The following ACSBG1 variants were observed in gnomAD, a reference collection of about 807,000 sequenced individuals.
ACSBG1 encodes acyl-CoA synthetase bubblegum family member 1.
In ACSBG1, 39 loss-of-function variants were observed where a neutral mutation model predicts 80.2. That is an observed-to-expected ratio of 0.49 (90% CI 0.38 to 0.64). The LOEUF (loss-of-function observed/expected upper bound fraction) is 0.64, where lower values mean the gene tolerates loss of function less well. Among genes scored for constraint, ACSBG1 ranks in the 30% least tolerant of loss-of-function variants. The pLI, the probability that ACSBG1 is intolerant of heterozygous loss-of-function variation, is 0.00. For synonymous variants in ACSBG1, 392 were observed against 379.5 expected, an observed-to-expected ratio of 1.03 and a Z score of -0.38; for missense variants, 828 against 966.4, an observed-to-expected ratio of 0.86 and a Z score of 1.90.
intron 1 of ACSBG1, among the ~76,000 whole-genome samples, chr15:78,222,614 T>C (rs1250948689): frequency 3.3e-5 from 5 of 152,176 alleles, no homozygotes; most frequent in African/African-American, 1.2e-4. Context: ...TTATGCAACT[T>C]CACTCCAGCC....
At chr15:78,205,353 G>A (rs1735694048) in intron 2 of ACSBG1, among the ~76,000 whole-genome samples, 1 of 152,088 alleles carries the variant, frequency 6.6e-6, no homozygotes, top group African/African-American at 2.4e-5. Context: ...GAGCCTCCGA[G>A]GGCTCCAGAG....
chr15:78,169,012 T>G lies in ACSBG1; in HGVS notation c.*2432A>C. The G allele has an allele frequency of 2.5e-6, 4 of 1,569,070 alleles. No individual in the cohort carries two copies. Among genetic ancestry groups the G allele is most frequent in the Non-Finnish European group, 3.5e-6 (4 of 1,141,534 alleles). The stretch of plus-strand genomic sequence containing the variant: ...AGTAAAAGATTTAGATTAACACTTC[T>G]ACAACTGGCATTTACATCAGTCACT... On this transcript the variant is annotated 3_prime_UTR_variant, in exon 14 of 14. Transcript: ENST00000258873.
intron 5 of ACSBG1, among the ~76,000 whole-genome samples, chr15:78,189,553 C>T (rs1395823584): frequency 6.6e-6 from 1 of 152,024 alleles, no homozygotes; most frequent in African/African-American, 2.4e-5. Context: ...TCATCATTCT[C>T]AGTAAACTAT....
intron 1 of ACSBG1, among the ~76,000 whole-genome samples, chr15:78,211,385 CAAT>C (rs1236063147): frequency 2.6e-5 from 4 of 152,204 alleles, no homozygotes; most frequent in African/African-American, 9.6e-5. Flanking sequence ...TGATTAATGA[CAAT>C]AATGGTGGAA....
chr15:78,188,512 A>G (rs1485161632), intron 5 of ACSBG1, among the ~76,000 whole-genome samples: 1 of 148,592 alleles, frequency 6.7e-6, no homozygotes, highest in African/African-American at 2.5e-5. Context: ...GCCCTCAGAA[A>G]TAACACCGCA....
intron 2 of ACSBG1, 120 bp downstream of exon 2, chr15:78,207,882 C>G: frequency 1.3e-6 from 1 of 777,188 alleles, no homozygotes; most frequent in Non-Finnish European, 2.1e-6. Context: ...CCAGCAAGAT[C>G]CCCAGCTGCT....
chr15:78,207,666 C>A, intron 2 of ACSBG1: 1 of 321,328 alleles, frequency 3.1e-6, no homozygotes, highest in Non-Finnish European at 5.9e-6. Context: ...GGGCTTTCTC[C>A]TGTCCCTCAG....
chr15:78,181,089 A>G (rs2074938878), intron 8 of ACSBG1, 153 bp from the exon 9 acceptor site: 8 of 876,142 alleles, frequency 9.1e-6, no homozygotes, highest in East Asian at 2.7e-5. Flanking sequence ...TGTTTCCTCA[A>G]TGGCTGTCGC....
At chr15:78,192,890 G>A (rs2075069079) in intron 5 of ACSBG1, among the ~76,000 whole-genome samples, 1 of 152,134 alleles carries the variant, frequency 6.6e-6, no homozygotes, top group Admixed American at 6.5e-5. Context: ...GGGTTCAGCT[G>A]GGACAGAGAG....
intron 1 of ACSBG1, among the ~76,000 whole-genome samples, chr15:78,222,429 T>G (rs942908409): frequency 3.3e-5 from 5 of 152,146 alleles, no homozygotes; most frequent in Non-Finnish European, 5.9e-5. Context: ...TTTGGGAGGC[T>G]GAAGTGGGAG....
At chr15:78,208,251 G>A (rs933648932) in intron 1 of ACSBG1, 149 bp from the exon 2 acceptor site, 5 of 668,620 alleles carry the variant, frequency 7.5e-6, no homozygotes, top group Admixed American at 2.2e-5. Flanking sequence ...ATCCACAGAG[G>A]AGAACCCAGT....
chr15:78,171,659 G>C, intron 13 of ACSBG1, 130 bp from the exon 14 acceptor site: 1 of 708,966 alleles, frequency 1.4e-6, no homozygotes, highest in Non-Finnish European at 2.4e-6. Context: ...ACCGTCAGTA[G>C]CCAGCCTCCA....
chr15:78,220,389 A>T (rs781449004), intron 1 of ACSBG1, among the ~76,000 whole-genome samples: 1 of 152,252 alleles, frequency 6.6e-6, no homozygotes, highest in Non-Finnish European at 1.5e-5. Context: ...AGAAAATATT[A>T]ATAAATCTTT....
chr15:78,211,406 C>G (rs1375728044), intron 1 of ACSBG1, among the ~76,000 whole-genome samples: 3 of 152,210 alleles, frequency 2.0e-5, no homozygotes, highest in Non-Finnish European at 4.4e-5. Context: ...GAAGAACGGC[C>G]TGAGGAGGCT....
In ACSBG1 at chr15:78,178,559, C is replaced by T; in HGVS notation, c.1702+55G>A. 1 of 1,545,920 alleles carries T rather than the reference C, an allele frequency of 6.5e-7. No homozygotes were observed. Among genetic ancestry groups the T allele is most frequent in the South Asian group, 1.2e-5 (1 of 81,394 alleles). On this transcript the variant is annotated intron_variant, in intron 11 of 13. Coordinates refer to ENST00000258873, the MANE Select transcript of ACSBG1 (RefSeq NM_015162.5). This position sits in a 1 kb window ranked among gnomAD's most constrained non-coding sequence, Gnocchi z 4.3. ...TCAGACAATCTGCCCGCCTTGGCCT[C>T]CCAAAGTGCTGGGATTACAGGCATG...
intron 5 of ACSBG1, 163 bp from the exon 6 acceptor site, chr15:78,182,948 C>T: frequency 1.4e-6 from 1 of 715,218 alleles, no homozygotes; most frequent in Non-Finnish European, 2.3e-6. Flanking sequence ...CCATAGTTTC[C>T]CTCCTGAGAA....
intron 5 of ACSBG1, among the ~76,000 whole-genome samples, chr15:78,187,234 C>G (rs2075012916): frequency 6.6e-6 from 1 of 152,220 alleles, no homozygotes; most frequent in Admixed American, 6.5e-5. Context: ...CAGCCGAATT[C>G]TATCAGAGGT....
In ACSBG1 at chr15:78,180,739, C is replaced by A. The variant is rs374008679; in HGVS notation, c.1253+16G>T. ...CCACTCTCTCCCCAGGCCTCCCGCC[C>A]GTGGGCCCTCTGTACCTGCCGGGGC... On this transcript the variant is annotated intron_variant, in intron 9 of 13. Coordinates refer to ENST00000258873, the MANE Select transcript of ACSBG1 (RefSeq NM_015162.5). The A allele has an allele frequency of 6.2e-7, 1 of 1,610,576 alleles. No individual in the cohort carries two copies. The highest frequency in any genetic ancestry group is 1.7e-4 in the Middle Eastern group (1 of 6,046).
intron 2 of ACSBG1, among the ~76,000 whole-genome samples, chr15:78,206,163 C>T (rs984510729): frequency 6.6e-6 from 1 of 152,168 alleles, no homozygotes; most frequent in African/African-American, 2.4e-5. Context: ...CCGCTCTGGG[C>T]GCCTGCTGAC....
Sources: gnomAD v4.1 joint callset for allele counts (sites outside exome capture counted in the v4.1 genomes callset) on GRCh38, gnomAD v4.1.1 for gene constraint, Gnocchi (gnomAD v3.1) non-coding constraint, MANE v1.5 for transcripts, NCBI Gene and HGNC (gene_info 2026-07-23, HGNC 2026-07-21) for gene names.